The following LGR6 variants were observed in gnomAD, a reference collection of about 807,000 sequenced individuals.
LGR6 encodes the protein leucine-rich repeat-containing G protein-coupled receptor 6.
LGR6 carries 45 observed loss-of-function variants against 69.4 expected under a neutral mutation model. The observed-to-expected ratio is 0.65, with a 90% CI of 0.51 to 0.83. The LOEUF (loss-of-function observed/expected upper bound fraction) is 0.83, where lower values mean the gene tolerates loss of function less well. LGR6 is among the 40% of genes least tolerant of loss of function. LGR6 has a pLI of 0.00. For missense variants in LGR6, 1,108 were observed against 1,246.7 expected (o/e 0.89, Z 1.68); for synonymous variants, 538 against 555.0 (o/e 0.97, Z 0.43).
At chr1:202,230,330 A>G (rs1022688585) in intron 3 of LGR6, among the ~76,000 whole-genome samples, 5 of 150,230 alleles carry the variant, frequency 3.3e-5, no homozygotes, top group Admixed American at 6.6e-5. Context: ...AGAGTTCTCT[A>G]AGTCTTCAAC....
At chr1:202,279,280 C>T (rs1455076541) in intron 5 of LGR6, among the ~76,000 whole-genome samples, 1 of 152,218 alleles carries the variant, frequency 6.6e-6, no homozygotes, top group South Asian at 2.1e-4. Context: ...GGACAGGAGT[C>T]TGTCTCCTGA....
chr1:202,237,867 T>C lies in LGR6; in HGVS notation c.428+1874T>C, dbSNP rs373294081. Among the ~76,000 whole-genome samples the C allele has an allele frequency of 3.9e-5, 6 of 152,092 alleles. No homozygotes were observed. In the South Asian group the frequency reaches 6.2e-4, roughly 16 times the overall value. The stretch of plus-strand genomic sequence containing the variant: ...GTCCTGGCTCTGATCGTGACTACTG[T>C]GTCATTTGCCCTCTCTGCACCTCAG... On this transcript the variant is annotated intron_variant, in intron 4 of 17. Transcript: ENST00000367278.
At chr1:202,199,825 AT>A (rs574735671) in intron 1 of LGR6, among the ~76,000 whole-genome samples, 108 of 152,328 alleles carry the variant, frequency 7.1e-4, no homozygotes, top group African/African-American at 2.4e-3. Flanking sequence ...GGAAACACTA[AT>A]AGTATCTACC....
intron 4 of LGR6, among the ~76,000 whole-genome samples, chr1:202,243,980 G>A (rs1442843798): frequency 6.6e-6 from 1 of 151,956 alleles, no homozygotes; most frequent in African/African-American, 2.4e-5. Context: ...TTTTTGAGAT[G>A]GAGTCTCGCT....
At chr1:202,301,348 T>A in intron 9 of LGR6, 113 bp downstream of exon 9, 1 of 887,240 alleles carries the variant, frequency 1.1e-6, no homozygotes, top group Non-Finnish European at 1.8e-6. Flanking sequence ...ACAAGTCCAC[T>A]GCAAAGCGTG....
At chr1:202,276,712 A>C (rs1665589787) in intron 5 of LGR6, among the ~76,000 whole-genome samples, 191 bp downstream of exon 5, 1 of 152,210 alleles carries the variant, frequency 6.6e-6, no homozygotes, top group African/African-American at 2.4e-5. Context: ...CATGAGGTCA[A>C]ATGACATGAG....
intron 16 of LGR6, 21 bp from the exon 17 acceptor site, chr1:202,314,781 T>C (rs754606477): frequency 1.9e-5 from 30 of 1,597,540 alleles, no homozygotes; most frequent in East Asian, 4.5e-5. Flanking sequence ...GGACCCTGCA[T>C]CACTTTGTCT....
chr1:202,304,489 C>G (rs1667831946), intron 10 of LGR6, 70 bp from the exon 11 acceptor site: 2 of 1,134,860 alleles, frequency 1.8e-6, no homozygotes, highest in Non-Finnish European at 2.6e-6. Context: ...AGGTCCAGAG[C>G]TGGAGCGGGG....
rs767910952 is a variant in LGR6, at chr1:202,310,206, G to A, written c.1416G>A (p.Glu472=). The change falls in exon 16 of 18, where the codon GAG becomes GAA. Residue 472 remains glutamate, a synonymous_variant. Transcript: ENST00000367278. ...KDSFPKLRIL[E]VPYAYQCCPY... Reference sequence around the variant, plus strand: ...GCCTCTCCCCCACCAGGATCCTGGAGGTGCCTTATGCCTACCAGTGCTGTC... The same window carrying A: ...GCCTCTCCCCCACCAGGATCCTGGAAGTGCCTTATGCCTACCAGTGCTGTC... 3.1e-6 allele frequency: 5 copies of A among 1,613,936 alleles called. No homozygotes were observed. The highest frequency in any genetic ancestry group is 4.2e-6 in the Non-Finnish European group (5 of 1,179,902).
At chr1:202,281,748 C>A (rs1422034902) in intron 6 of LGR6, among the ~76,000 whole-genome samples, 1 of 151,992 alleles carries the variant, frequency 6.6e-6, no homozygotes, top group Admixed American at 6.6e-5. Flanking sequence ...CTCTTACCCC[C>A]CACTTGCTCC....
At chr1:202,305,598 A>G in intron 11 of LGR6, 86 bp from the exon 12 acceptor site, 1 of 1,145,348 alleles carries the variant, frequency 8.7e-7, no homozygotes, top group Middle Eastern at 2.9e-4. Flanking sequence ...ACAGGAAAGC[A>G]CAGTCCTGGC....
In LGR6 at chr1:202,193,846, A is replaced by ACCG. The variant is rs1049675665; in HGVS notation, c.-129_-127dup. ...CTGACTGCACCGTCCCGGCGCTCCC[A>ACCG]CCGCCGCCGCCGCCGCCCAATAGAG... On this transcript the variant is annotated 5_prime_UTR_variant, in exon 1 of 18. Transcript: ENST00000367278. 3.7e-5 allele frequency: 13 copies of ACCG among 347,670 alleles called. No homozygotes were observed. Among genetic ancestry groups the ACCG allele is most frequent in the Admixed American group, 2.0e-4 (4 of 19,576 alleles). The allele number at this position is 347,670 out of a possible 1,614,324, so 21.5% of individuals were successfully genotyped here. A position where few individuals can be genotyped will look rare whatever the true frequency, so the allele number is the denominator to read the frequency against.
At chr1:202,302,293 T>TA (rs1177195259) in intron 9 of LGR6, among the ~76,000 whole-genome samples, 1 of 152,194 alleles carries the variant, frequency 6.6e-6, no homozygotes, top group Non-Finnish European at 1.5e-5. Flanking sequence ...AGGTAGGTGT[T>TA]ATTGGTCCGA....
Position 202,310,229 on chromosome 1 carries a change from G to T in LGR6, c.1439G>T (p.Cys480Phe), listed in dbSNP as rs1419065138. The T allele has an allele frequency of 1.9e-6, 3 of 1,614,030 alleles. No individual in the cohort carries two copies. The highest frequency in any genetic ancestry group is 1.3e-5 in the African/African-American group (1 of 74,922). The change falls in exon 16 of 18, where the codon TGT becomes TTT. Residue 480 changes from cysteine to phenylalanine, a missense_variant. Coordinates refer to ENST00000367278, the MANE Select transcript of LGR6 (RefSeq NM_001017403.2). ...GAGGTGCCTTATGCCTACCAGTGCT[G>T]TCCCTATGGGATGTGTGCCAGCTTC... ...ILEVPYAYQCCPYGMCASFFK... is the reference protein window; with the variant it reads ...ILEVPYAYQCFPYGMCASFFK...
intron 5 of LGR6, 98 bp from the exon 6 acceptor site, chr1:202,280,683 C>T: frequency 9.5e-7 from 1 of 1,055,124 alleles, no homozygotes; most frequent in Non-Finnish European, 1.5e-6. Flanking sequence ...TCTGTCCATG[C>T]TTCTGCCTAC....
chr1:202,202,499 C>G (rs535371216), intron 1 of LGR6, among the ~76,000 whole-genome samples: 1 of 152,324 alleles, frequency 6.6e-6, no homozygotes, highest in Non-Finnish European at 1.5e-5. Context: ...GCCAAGCAGA[C>G]ATGGGTTCGA....
chr1:202,221,244 C>T (rs188816268), intron 1 of LGR6, among the ~76,000 whole-genome samples: 80 of 152,204 alleles, frequency 5.3e-4, no homozygotes, highest in African/African-American at 1.7e-3. Context: ...ATTGCCTCGG[C>T]GGAGGGTCTT....
intron 4 of LGR6, among the ~76,000 whole-genome samples, chr1:202,271,226 G>A (rs1416129248): frequency 1.3e-5 from 2 of 152,118 alleles, no homozygotes; most frequent in Non-Finnish European, 2.9e-5. Flanking sequence ...AGTCCCAAGT[G>A]GAGGATTCTG....
At chr1:202,303,784 T>G (rs1009217402) in intron 10 of LGR6, among the ~76,000 whole-genome samples, 4 of 152,162 alleles carry the variant, frequency 2.6e-5, no homozygotes, top group African/African-American at 9.7e-5. Flanking sequence ...TCAATACATT[T>G]AAATGAATGA....
Sources: gnomAD v4.1 joint callset for allele counts (sites outside exome capture counted in the v4.1 genomes callset) on GRCh38, gnomAD v4.1.1 for gene constraint, MANE v1.5 for transcripts, NCBI Gene and HGNC (gene_info 2026-07-23, HGNC 2026-07-21) for gene names.